CRYBG3: variants seen among roughly 807,000 people sequenced by gnomAD.
CRYBG3 encodes the protein very large A-kinase anchor protein.
A neutral mutation model predicts 244.2 loss-of-function variants in CRYBG3; 127 were observed. The observed-to-expected ratio is 0.52, with a 90% CI of 0.45 to 0.60. The LOEUF is 0.60. Among genes scored for constraint, CRYBG3 ranks in the 20% least tolerant of loss-of-function variants. The pLI, the probability that CRYBG3 is intolerant of heterozygous loss-of-function variation, is 0.00. For synonymous variants in CRYBG3, 1,132 were observed against 1,195.8 expected (o/e 0.95, Z 1.10); for missense variants, 3,325 against 3,442.5 (o/e 0.97, Z 0.85).
At position 97,873,804 on chromosome 3, in the gene CRYBG3, T is replaced by G; in HGVS notation, c.2610T>G (p.Pro870=). ...PLKITHVPEK[P]ILSELTFLEV... The stretch of plus-strand genomic sequence containing the variant: ...AAATTACCCATGTTCCAGAAAAGCC[T>G]ATTTTGTCAGAATTAACCTTTCTAG... The change falls in exon 4 of 22, where the codon CCT becomes CCG. Residue 870 remains proline, a synonymous_variant. Transcript: ENST00000389622. The G allele has an allele frequency of 6.5e-7, 1 of 1,532,746 alleles. No homozygotes were observed. Among genetic ancestry groups the G allele is most frequent in the Non-Finnish European group, 8.7e-7 (1 of 1,145,904 alleles). 94.9% of individuals were successfully genotyped at this position (1,532,746 alleles called of 1,614,324 possible).
intron 2 of CRYBG3, among the ~76,000 whole-genome samples, chr3:97,853,525 G>A (rs1244064644): frequency 6.6e-6 from 1 of 152,040 alleles, no homozygotes; most frequent in Non-Finnish European, 1.5e-5. Context: ...ACATGTGAGT[G>A]CAGGTGACTT....
chr3:97,898,208 G>A (rs1466609679), intron 12 of CRYBG3, among the ~76,000 whole-genome samples: 6 of 148,568 alleles, frequency 4.0e-5, no homozygotes, highest in East Asian at 3.9e-4. Flanking sequence ...CAACAAGAGC[G>A]AAACTGCTTC....
At chr3:97,880,817 T>C (rs1447120685) in intron 6 of CRYBG3, among the ~76,000 whole-genome samples, 1 of 152,270 alleles carries the variant, frequency 6.6e-6, no homozygotes, top group Non-Finnish European at 1.5e-5. Flanking sequence ...TACATAAATA[T>C]AGACATAGAA....
chr3:97,876,947 T>G lies in CRYBG3; in HGVS notation c.5753T>G (p.Leu1918Trp). The G allele has an allele frequency of 5.3e-6, 8 of 1,496,556 alleles. No individual in the cohort carries two copies. The highest frequency in any genetic ancestry group is 2.3e-5 in the East Asian group (1 of 43,538). The allele number at this position is 1,496,556 out of a possible 1,614,324, so 92.7% of individuals were successfully genotyped here. The change falls in exon 4 of 22, where the codon TTG (leucine) becomes TGG (tryptophan). Residue 1918 changes from leucine to tryptophan, a missense_variant. Transcript: ENST00000389622. ...KEEPTEIKEG[L>W]IAHENRLPTY... Reference sequence around the variant, plus strand: ...GAGCCTACAGAAATAAAGGAAGGCTTGATAGCACATGAAAATAGACTTCCT... The same window carrying G: ...GAGCCTACAGAAATAAAGGAAGGCTGGATAGCACATGAAAATAGACTTCCT...
At position 97,872,808 on chromosome 3, in the gene CRYBG3, A is replaced by G. The variant is rs1363165048; in HGVS notation, c.1614A>G (p.Glu538=). Residue 538 remains glutamate (E), a synonymous_variant, in exon 4 of 22, where the codon GAA becomes GAG. Coordinates refer to ENST00000389622, the MANE Select transcript of CRYBG3 (RefSeq NM_153605.4). ...AAACAGAAAGTGCCTCAGCTGGTGA[A>G]TCCATAGCTTCAAGTCATGTAAAAG... ...RRETESASAG[E]SIASSHVKAP... is the part of the protein sequence containing the mutation. 2 of 1,536,010 alleles carry G rather than the reference A, an allele frequency of 1.3e-6. No homozygotes were observed. The highest frequency in any genetic ancestry group is 2.4e-5 in the South Asian group (2 of 84,052).
In CRYBG3 at chr3:97,875,309, G is replaced by A. The variant is rs2039357867; in HGVS notation, c.4115G>A (p.Ser1372Asn). Residue 1372 changes from serine to asparagine, a missense_variant, in exon 4 of 22, where the codon AGT (serine) becomes AAT (asparagine). Physicochemically the swap from Ser to Asn is conservative, Grantham distance 46. Coordinates refer to ENST00000389622, the MANE Select transcript of CRYBG3 (RefSeq NM_153605.4). ...EQPVNQSTQI[S>N]ENKVLNEFFS... ...CCAGTAAATCAAAGCACACAAATTA[G>A]TGAAAATAAAGTATTAAATGAATTC... 1 of 1,444,328 alleles carries A rather than the reference G, an allele frequency of 6.9e-7. No individual in the cohort carries two copies. The highest frequency in any genetic ancestry group is 9.0e-7 in the Non-Finnish European group (1 of 1,106,586). The allele number at this position is 1,444,328 out of a possible 1,614,324, so 89.5% of individuals were successfully genotyped here.
In CRYBG3 at chr3:97,880,052, C is replaced by T. The variant is rs1489015639; in HGVS notation, c.6956C>T (p.Thr2319Ile). ...QEVYCNIPDA[T>I]SWSFPNGVLI... Reference sequence around the variant, plus strand: ...GTCTACTGTAATATTCCTGATGCTACATCATGGTCTTTTCCAAATGGAGTT... The same window carrying T: ...GTCTACTGTAATATTCCTGATGCTATATCATGGTCTTTTCCAAATGGAGTT... The change falls in exon 6 of 22, where the codon ACA becomes ATA. Residue 2319 changes from threonine to isoleucine, a missense_variant. Physicochemically the swap from Thr to Ile is moderately conservative, Grantham distance 89. Transcript: ENST00000389622. The T allele has an allele frequency of 6.2e-7, 1 of 1,602,702 alleles. No individual in the cohort carries two copies. The highest frequency in any genetic ancestry group is 1.7e-5 in the Admixed American group (1 of 59,154).
chr3:97,881,902 T>C (rs998137927), intron 7 of CRYBG3, among the ~76,000 whole-genome samples: 28 of 151,010 alleles, frequency 1.9e-4, no homozygotes, highest in African/African-American at 6.4e-4. Context: ...GTAATACTCC[T>C]AGTAATATAT....
chr3:97,915,610 C>T lies in CRYBG3; in HGVS notation c.8115C>T (p.Cys2705=), dbSNP rs745722712. 6 of 1,608,122 alleles carry T rather than the reference C, an allele frequency of 3.7e-6. No individual in the cohort carries two copies. Among genetic ancestry groups the T allele is most frequent in the Non-Finnish European group, 5.1e-6 (6 of 1,175,882 alleles). ...GAATGTCTTACTGCTTGGCTTTTAG[C>T]TGGCTCCTCTATTACCAAGAAGACA... The part of the protein sequence containing the change: ...MPCSFKVLRG[C]WLLYYQEDMF... Residue 2705 remains cysteine, a splice_region_variant and synonymous_variant, in exon 17 of 22, where the codon TGC becomes TGT. Coordinates refer to ENST00000389622, the MANE Select transcript of CRYBG3 (RefSeq NM_153605.4).
At chr3:97,845,375 A>C (rs1392780196) in intron 2 of CRYBG3, among the ~76,000 whole-genome samples, 1 of 152,188 alleles carries the variant, frequency 6.6e-6, no homozygotes, top group African/African-American at 2.4e-5. Flanking sequence ...GACATCATTA[A>C]ATTTTTTATT....
Position 97,942,327 on chromosome 3 carries a change from C to T in CRYBG3, c.8708C>T (p.Pro2903Leu), listed in dbSNP as rs2040249736. ...GATGTGATTGGTGGCCGGGACACACCTGGAGCTAAAGTAGCTCTATGGACT... is the reference window on the plus strand; with the variant it reads ...GATGTGATTGGTGGCCGGGACACACTTGGAGCTAAAGTAGCTCTATGGACT... The part of the protein sequence containing the change: ...CLDVIGGRDT[P>L]GAKVALWTEH... The change falls in exon 21 of 22, where the codon CCT (proline) becomes CTT (leucine). Residue 2903 changes from proline (P) to leucine (L), a missense_variant. This residue lies in a region of CRYBG3 where 714 missense variants were observed against 803.6 expected (regional missense o/e 0.89). Transcript: ENST00000389622. The T allele has an allele frequency of 1.2e-6, 2 of 1,611,422 alleles. No homozygotes were observed. The highest frequency in any genetic ancestry group is 1.7e-6 in the Non-Finnish European group (2 of 1,178,370).
chr3:97,920,677 G>A lies in CRYBG3; in HGVS notation c.8241+4941G>A, dbSNP rs547162650. Among the ~76,000 whole-genome samples the A allele has an allele frequency of 4.6e-5, 7 of 152,112 alleles. No homozygotes were observed. In the East Asian group the frequency reaches 1.2e-3, roughly 25 times the overall value. On this transcript the variant is annotated intron_variant, in intron 17 of 21. Coordinates refer to ENST00000389622, the MANE Select transcript of CRYBG3 (RefSeq NM_153605.4). The stretch of plus-strand genomic sequence containing the variant: ...CCCAAGTAGCTGGGATTACAGGCAC[G>A]TGCCATCACTCCCAGCTAATGTTTG...
At position 97,942,445 on chromosome 3, in the gene CRYBG3, T is replaced by C; in HGVS notation, c.8824+2T>C. The C allele has an allele frequency of 6.2e-7, 1 of 1,607,392 alleles. No homozygotes were observed. The highest frequency in any genetic ancestry group is 8.5e-7 in the Non-Finnish European group (1 of 1,176,172). ...ATCAACTTGTCCTTGATGTTAAAGG[T>C]GGGCCTTTGATGATACCCAATGTTG... is the stretch of plus-strand genomic sequence containing the variant. On this transcript the variant is annotated splice_donor_variant, in intron 21 of 21. Transcript: ENST00000389622. LOFTEE classifies it high-confidence loss of function.
chr3:97,856,699 G>A (rs2039070470), intron 2 of CRYBG3, among the ~76,000 whole-genome samples: 1 of 151,942 alleles, frequency 6.6e-6, no homozygotes, highest in African/African-American at 2.4e-5. Context: ...TTGTTTGTTG[G>A]TGTATCATTA....
In CRYBG3 at chr3:97,864,579, C is replaced by T. The variant is rs760007014; in HGVS notation, c.579C>T (p.Ser193=). ...CAGAAGAACAAGACTCTAACTCATC[C>T]GAACTCTCAGATGCTTTTTCTTTGG... The part of the protein sequence containing the change: ...HPTEEQDSNS[S]ELSDAFSLDT... Residue 193 remains serine (S), a synonymous_variant, in exon 3 of 22, where the codon TCC becomes TCT. Coordinates refer to ENST00000389622, the MANE Select transcript of CRYBG3 (RefSeq NM_153605.4). 74 of 1,535,522 alleles carry T rather than the reference C, an allele frequency of 4.8e-5. No individual in the cohort carries two copies. The South Asian group carries it at 7.4e-4, about 15-fold the overall frequency.
chr3:97,894,511 A>G (rs1035599828), intron 11 of CRYBG3, among the ~76,000 whole-genome samples: 1 of 152,132 alleles, frequency 6.6e-6, no homozygotes, highest in African/African-American at 2.4e-5. Flanking sequence ...GAATCTGGGG[A>G]AAGTAAAACT....
chr3:97,835,129 A>G (rs1453911297), intron 1 of CRYBG3, among the ~76,000 whole-genome samples: 2 of 152,148 alleles, frequency 1.3e-5, no homozygotes, highest in Non-Finnish European at 2.9e-5. Flanking sequence ...GCGTATATTT[A>G]TATGTTGTAA....
chr3:97,936,547 C>T (rs2040165742), intron 18 of CRYBG3, among the ~76,000 whole-genome samples: 1 of 151,994 alleles, frequency 6.6e-6, no homozygotes, highest in Non-Finnish European at 1.5e-5. Context: ...TGGAGGAAAC[C>T]TTGCATTCAT....
chr3:97,927,548 CA>C (rs778051392), intron 17 of CRYBG3, among the ~76,000 whole-genome samples: 6 of 152,096 alleles, frequency 3.9e-5, no homozygotes, highest in South Asian at 2.1e-4. Flanking sequence ...GGAATTACAA[CA>C]AAAACAAAAA....
Sources: gnomAD v4.1 joint callset for allele counts (sites outside exome capture counted in the v4.1 genomes callset) on GRCh38, gnomAD v4.1.1 for gene constraint, gnomAD v4.1.1 regional missense constraint, MANE v1.5 for transcripts, NCBI Gene and HGNC (gene_info 2026-07-23, HGNC 2026-07-21) for gene names.